PLSCR1: variants seen among roughly 807,000 people sequenced by gnomAD.
PLSCR1 encodes the protein PL scramblase 1.
A neutral mutation model predicts 37.8 loss-of-function variants in PLSCR1; 17 were observed. The observed-to-expected ratio is 0.45, with a 90% CI of 0.31 to 0.68. The LOEUF is 0.68. PLSCR1 is among the 30% of genes least tolerant of loss of function. PLSCR1 has a pLI of 0.06. For missense variants in PLSCR1, 347 were observed against 380.9 expected, an observed-to-expected ratio of 0.91 and a Z score of 0.74; for synonymous variants, 116 against 125.9, an observed-to-expected ratio of 0.92 and a Z score of 0.53.
chr3:146,520,950 T>G (rs138007767), intron 7 of PLSCR1, among the ~76,000 whole-genome samples: 4 of 152,328 alleles, frequency 2.6e-5, no homozygotes, highest in African/African-American at 9.6e-5. Flanking sequence ...GAAGAGCTAC[T>G]CTAATGAAAT....
At chr3:146,520,207 T>C (rs184669185) in intron 7 of PLSCR1, 2 of 152,272 alleles carry the variant, frequency 1.3e-5, no homozygotes, top group Non-Finnish European at 2.9e-5. Flanking sequence ...AAAGTTAATT[T>C]ATTACATGGA....
At chr3:146,534,566 C>G (rs1361523190) in intron 2 of PLSCR1, among the ~76,000 whole-genome samples, 1 of 152,066 alleles carries the variant, frequency 6.6e-6, no homozygotes, top group East Asian at 1.9e-4. Context: ...TCCCCCACCC[C>G]CTGCCCCGGC....
chr3:146,534,574 G>A (rs182565429), intron 2 of PLSCR1, among the ~76,000 whole-genome samples: 6 of 151,654 alleles, frequency 4.0e-5, no homozygotes, highest in Admixed American at 2.6e-4. Context: ...CCCCTGCCCC[G>A]GCCTTTCTCC....
chr3:146,539,738 G>A (rs1433269775), intron 1 of PLSCR1, among the ~76,000 whole-genome samples: 3 of 152,164 alleles, frequency 2.0e-5, no homozygotes, highest in African/African-American at 7.2e-5. Context: ...CAAAACTACT[G>A]CAGTATAAAA....
Position 146,534,236 on chromosome 3 carries a change from C to T in PLSCR1, c.14-686G>A, listed in dbSNP as rs149042372. Among the ~76,000 whole-genome samples, 628 of 152,234 alleles carry T rather than the reference C, an allele frequency of 4.1e-3. 4 individuals are homozygous for T. Among genetic ancestry groups the T allele is most frequent in the Non-Finnish European group, 7.2e-3 (491 of 68,012 alleles). On this transcript the variant is annotated intron_variant, in intron 2 of 8. Transcript: ENST00000342435. ...GTCTATCTAGTCATTCGGTTACCTA[C>T]CGCAGCCAGTCTCTAAATATTTACT...
At chr3:146,519,493 A>G (rs555985030) in intron 7 of PLSCR1, among the ~76,000 whole-genome samples, 9 of 152,172 alleles carry the variant, frequency 5.9e-5, no homozygotes, top group African/African-American at 2.2e-4. Context: ...CTTGAAGGAG[A>G]CAGACTCTCT....
At chr3:146,524,906 T>C in intron 5 of PLSCR1, among the ~76,000 whole-genome samples, 1 of 152,384 alleles carries the variant, frequency 6.6e-6, no homozygotes, top group East Asian at 1.9e-4. Flanking sequence ...TTATTTTTTA[T>C]TAAACCTTTT....
chr3:146,517,008 T>C lies in PLSCR1; in HGVS notation c.898A>G (p.Ile300Val). Reference sequence around the variant, plus strand: ...AAGATTAATAAGAACAGACTTACAATGAGGAAACAGGCACCAATCATTACA... The same window carrying C: ...AAGATTAATAAGAACAGACTTACAACGAGGAAACAGGCACCAATCATTACA... ...KAVMIGACFLIDFMFFESTGS... is the reference protein window; with the variant it reads ...KAVMIGACFLVDFMFFESTGS... The change falls in exon 8 of 9, where the codon ATT becomes GTT. Residue 300 changes from isoleucine (I) to valine (V), a missense_variant and splice_region_variant. Physicochemically the swap from Ile to Val is conservative, Grantham distance 29. Transcript: ENST00000342435. 6.3e-7 allele frequency: 1 copy of C among 1,580,990 alleles called. No individual in the cohort carries two copies.
In PLSCR1 at chr3:146,535,395, G is replaced by A. The variant is rs951527123; in HGVS notation, c.13+1145C>T. Among the ~76,000 whole-genome samples, 22 of 152,216 alleles carry A rather than the reference G, an allele frequency of 1.4e-4. No individual in the cohort carries two copies. The East Asian group carries it at 3.9e-3, about 27-fold the overall frequency. On this transcript the variant is annotated intron_variant, in intron 2 of 8. Transcript: ENST00000342435. ...AAGGAGAATGAGTGAATGGGCAGGT[G>A]TTCAAGCAGAACAAAGAGCATGTTA...
rs1213907484 is a variant in PLSCR1 at position 146,521,951 on chromosome 3, C to A, written c.458G>T (p.Cys153Phe). Residue 153 changes from cysteine to phenylalanine, a missense_variant, in exon 6 of 9, where the codon TGC becomes TTC. Transcript: ENST00000342435. Reference protein sequence around the residue: ...AEDTDCCTRNCCGPSRPFTLR... With the variant: ...AEDTDCCTRNFCGPSRPFTLR... Reference sequence around the variant, plus strand: ...GGTAAAAGGTCTAGATGGCCCACAGCAATTTCGGGTACAGCAATCAGTATC... The same window carrying A: ...GGTAAAAGGTCTAGATGGCCCACAGAAATTTCGGGTACAGCAATCAGTATC... 4 of 1,612,722 alleles carry A rather than the reference C, an allele frequency of 2.5e-6. No individual in the cohort carries two copies. The highest frequency in any genetic ancestry group is 3.4e-6 in the Non-Finnish European group (4 of 1,178,834).
Position 146,522,054 on chromosome 3 carries a change from C to A in PLSCR1, c.356-1G>T, listed in dbSNP as rs1553800427. Reference sequence around the variant, plus strand: ...TTATTAGTTTCAAAACCTGTTAAAACTAAAAACATAAAAGACGAAATCATA... The same window carrying A: ...TTATTAGTTTCAAAACCTGTTAAAAATAAAAACATAAAAGACGAAATCATA... On this transcript the variant is annotated splice_acceptor_variant, in intron 5 of 8. Transcript: ENST00000342435. LOFTEE classifies it high-confidence loss of function. 2 of 1,512,126 alleles carry A rather than the reference C, an allele frequency of 1.3e-6. No individual in the cohort carries two copies. Among genetic ancestry groups the A allele is most frequent in the Admixed American group, 1.7e-5 (1 of 59,788 alleles). The allele number at this position is 1,512,126 out of a possible 1,614,324, so 93.7% of individuals were successfully genotyped here.
chr3:146,532,035 C>T (rs2044206232), intron 3 of PLSCR1, among the ~76,000 whole-genome samples: 1 of 152,116 alleles, frequency 6.6e-6, no homozygotes, highest in African/African-American at 2.4e-5. Flanking sequence ...ATGACTAAAG[C>T]ATGGTAAGAT....
chr3:146,519,889 T>C (rs1042275456), intron 7 of PLSCR1, among the ~76,000 whole-genome samples: 2 of 152,138 alleles, frequency 1.3e-5, no homozygotes, highest in African/African-American at 2.4e-5. Context: ...TCATCCTCAA[T>C]TGATATCAAA....
At chr3:146,538,198 A>T (rs2044291305) in intron 1 of PLSCR1, among the ~76,000 whole-genome samples, 1 of 152,210 alleles carries the variant, frequency 6.6e-6, no homozygotes, top group Non-Finnish European at 1.5e-5. Context: ...TTCTGCTGTT[A>T]ATCTATAAGG....
intron 1 of PLSCR1, 79 bp from the exon 2 acceptor site, chr3:146,536,644 A>C (rs2044269498): frequency 1.2e-6 from 1 of 818,656 alleles, no homozygotes; most frequent in African/African-American, 1.7e-5. Context: ...GGATACTCTA[A>C]AACTACACAG....
At chr3:146,541,356 C>A (rs898684481) in intron 1 of PLSCR1, among the ~76,000 whole-genome samples, 1 of 152,160 alleles carries the variant, frequency 6.6e-6, no homozygotes, top group Admixed American at 6.5e-5. Context: ...GAAACAAATA[C>A]TGAATCAGTT....
intron 3 of PLSCR1, among the ~76,000 whole-genome samples, chr3:146,529,878 G>A (rs2044172568): frequency 6.6e-6 from 1 of 152,032 alleles, no homozygotes; most frequent in Non-Finnish European, 1.5e-5. Context: ...TTTGCCTTAT[G>A]TTTTAATCCA....
At chr3:146,525,481 T>C (rs2044094681) in intron 5 of PLSCR1, 124 bp downstream of exon 5, 3 of 613,556 alleles carry the variant, frequency 4.9e-6, no homozygotes, top group Non-Finnish European at 8.7e-6. Context: ...ACATTTATTA[T>C]TGTAAATAAC....
intron 8 of PLSCR1, 23 bp from the exon 9 acceptor site, chr3:146,516,124 A>G (rs755663962): frequency 1.3e-6 from 2 of 1,528,594 alleles, no homozygotes; most frequent in Non-Finnish European, 1.8e-6. Flanking sequence ...AAAAGTATAC[A>G]AATGAATTTT....
Sources: allele counts gnomAD v4.1 joint callset (sites outside exome capture counted in the v4.1 genomes callset), GRCh38; gene constraint gnomAD v4.1.1; transcripts MANE v1.5; gene names NCBI Gene and HGNC (gene_info 2026-07-23, HGNC 2026-07-21).